AP5Z1: variants seen among roughly 807,000 people sequenced by gnomAD.
AP5Z1 encodes AP-5 complex subunit zeta-1.
AP5Z1 carries 106 observed loss-of-function variants against 83.0 expected under a neutral mutation model. That is an observed-to-expected ratio of 1.28 (90% CI 1.09 to 1.50). AP5Z1 has a LOEUF of 1.50. AP5Z1 is among the 40% of genes most tolerant of loss of function. The pLI is 0.00. For missense variants in AP5Z1, 1,565 were observed against 1,094.2 expected (o/e 1.43, Z -6.07); for synonymous variants, 751 against 514.1 (o/e 1.46, Z -6.23).
At position 4,791,470 on chromosome 7, in the gene AP5Z1, A is replaced by C; in HGVS notation, c.*85A>C. 2 of 1,478,206 alleles carry C rather than the reference A, an allele frequency of 1.4e-6. No individual in the cohort carries two copies. Among genetic ancestry groups the C allele is most frequent in the East Asian group, 2.5e-5 (1 of 40,274 alleles). 91.6% of individuals were successfully genotyped at this position (1,478,206 alleles called of 1,614,324 possible). ...GAGGCCAGGCTGATAGGAGCTCAGG[A>C]GGGCGCGGGAGTCCTGGGAGAGGAG... On this transcript the variant is annotated 3_prime_UTR_variant, in exon 17 of 17. Transcript: ENST00000649063.
intron 3 of AP5Z1, 76 bp downstream of exon 3, chr7:4,781,830 C>G (rs1417975857): frequency 7.0e-7 from 1 of 1,422,594 alleles, no homozygotes; most frequent in African/African-American, 1.4e-5. Context: ...GAAGCAGGGG[C>G]GCCAGAGCCG....
intron 1 of AP5Z1, among the ~76,000 whole-genome samples, chr7:4,778,105 G>A (rs1217056928): frequency 6.6e-6 from 1 of 152,164 alleles, no homozygotes; most frequent in African/African-American, 2.4e-5. Flanking sequence ...CGTACCCATA[G>A]TCACAGCTAC....
chr7:4,794,229 A>C lies in AP5Z1; in HGVS notation c.*2844A>C, dbSNP rs538843097. The C allele has an allele frequency of 6.6e-6, 1 of 152,188 alleles. No homozygotes were observed. Among genetic ancestry groups the C allele is most frequent in the Admixed American group, 6.6e-5 (1 of 15,266 alleles). The allele number at this position is 152,188 out of a possible 1,614,324, so 9.4% of individuals were successfully genotyped here. ...AGGGATTGTAAACGCACCAATCAGC[A>C]CCCTGTCAAAACAGACCACTCGGCT... is the stretch of plus-strand genomic sequence containing the variant. On this transcript the variant is annotated 3_prime_UTR_variant, in exon 17 of 17. Transcript: ENST00000649063.
intron 12 of AP5Z1, chr7:4,788,603 C>T (rs549057039): frequency 2.4e-4 from 120 of 498,442 alleles, no homozygotes; most frequent in Admixed American, 6.2e-4. Flanking sequence ...GGCCTGGGAC[C>T]GGCCACAGGC....
Position 4,784,378 on chromosome 7 carries a change from G to A in AP5Z1, c.790+7G>A, listed in dbSNP as rs759449685. The A allele has an allele frequency of 2.3e-5, 36 of 1,589,384 alleles. No individual in the cohort carries two copies. Among genetic ancestry groups the A allele is most frequent in the Middle Eastern group, 3.4e-4 (2 of 5,874 alleles). ...CCGGGCACCCTGGACACAGGTGTGC[G>A]GGGTGGGGGGATGACGTCAGACAGG... On this transcript the variant is annotated splice_region_variant and intron_variant, in intron 6 of 16. Transcript: ENST00000649063.
chr7:4,786,385 G>A lies in AP5Z1; in HGVS notation c.1268G>A (p.Gly423Glu). 6.2e-7 allele frequency: 1 copy of A among 1,613,864 alleles called. No homozygotes were observed. The change falls in exon 10 of 17, where the codon GGG becomes GAG. Residue 423 changes from glycine (G) to glutamate (E), a missense_variant. Physicochemically the swap from Gly to Glu is moderately conservative, Grantham distance 98. Coordinates refer to ENST00000649063, the MANE Select transcript of AP5Z1 (RefSeq NM_014855.3). ...AGGGACAACCTCCACCTGTTCAGCG[G>A]GCACCTCAGCACCCTCAGATTGAGC... is the stretch of plus-strand genomic sequence containing the variant. ...FCRDNLHLFS[G>E]HLSTLRLSFP...
intron 1 of AP5Z1, among the ~76,000 whole-genome samples, chr7:4,776,355 T>C (rs374864259): frequency 3.2e-4 from 49 of 151,912 alleles, no homozygotes; most frequent in African/African-American, 9.4e-4. Context: ...GGGAAAACAG[T>C]GTAAGCCAGG....
At position 4,785,442 on chromosome 7, in the gene AP5Z1, T is replaced by G. The variant is rs2115112982; in HGVS notation, c.959T>G (p.Leu320Arg). 11 of 1,613,432 alleles carry G rather than the reference T, an allele frequency of 6.8e-6. No homozygotes were observed. Among genetic ancestry groups the G allele is most frequent in the Non-Finnish European group, 9.3e-6 (11 of 1,179,666 alleles). ...RRALRKGDSDLQKACLVEAVL... is the reference protein window; with the variant it reads ...RRALRKGDSDRQKACLVEAVL... ...GCCCTGAGGAAGGGGGACTCCGACC[T>G]GCAGAAAGCTGTAAGTGGCTGGGGA... The change falls in exon 8 of 17, where the codon CTG (leucine) becomes CGG (arginine). Residue 320 changes from leucine to arginine, a missense_variant. By Grantham distance (102) the Leu-to-Arg change is moderately radical (BLOSUM62 -2). Coordinates refer to ENST00000649063, the MANE Select transcript of AP5Z1 (RefSeq NM_014855.3).
chr7:4,787,272 C>A (rs1007409620), intron 10 of AP5Z1, among the ~76,000 whole-genome samples: 1 of 151,864 alleles, frequency 6.6e-6, no homozygotes, highest in African/African-American at 2.4e-5. Flanking sequence ...GCAGGAGGAT[C>A]TTGAGGCCAG....
rs989109449 is a variant in AP5Z1, at chr7:4,775,658, C to T, written c.-58C>T. ...CGGAAGTTGACCGGGGTGCGGAGCT[C>T]CTGGGCTGCAGCTCCTGGAGTTTCC... On this transcript the variant is annotated 5_prime_UTR_variant, in exon 1 of 17. Coordinates refer to ENST00000649063, the MANE Select transcript of AP5Z1 (RefSeq NM_014855.3). 3.7e-6 allele frequency: 6 copies of T among 1,601,142 alleles called. No individual in the cohort carries two copies. Among genetic ancestry groups the T allele is most frequent in the African/African-American group, 2.7e-5 (2 of 74,864 alleles).
chr7:4,792,325 T>A lies in AP5Z1; in HGVS notation c.*940T>A, dbSNP rs1219881668. 2.2e-5 allele frequency: 3 copies of A among 133,912 alleles called. No homozygotes were observed. Among genetic ancestry groups the A allele is most frequent in the African/African-American group, 5.9e-5 (2 of 33,920 alleles). The allele number at this position is 133,912 out of a possible 1,614,324, so 8.3% of individuals were successfully genotyped here. A position where few individuals can be genotyped will look rare whatever the true frequency, so the allele number is the denominator to read the frequency against. ...AACTCTTCCCCCTCCCCACTCTGGC[T>A]CCGCCCCCGGTCTCCTCTTTTGCTC... On this transcript the variant is annotated 3_prime_UTR_variant, in exon 17 of 17. Transcript: ENST00000649063.
chr7:4,779,378 C>CAT (rs145590555), intron 1 of AP5Z1, among the ~76,000 whole-genome samples: 10,378 of 146,374 alleles, frequency 0.071, 516 homozygotes, highest in African/African-American at 0.13. Context: ...TGTTATATGT[C>CAT]ATATAACATG....
chr7:4,781,867 T>G, intron 3 of AP5Z1, 113 bp downstream of exon 3: 2 of 1,253,712 alleles, frequency 1.6e-6, no homozygotes, highest in Non-Finnish European at 2.1e-6. Flanking sequence ...TGTAGACGCA[T>G]CTCGGTGCTG....
rs575938785 is a variant in AP5Z1, at chr7:4,785,833, G to A, written c.1132+149G>A. The A allele has an allele frequency of 4.2e-5, 49 of 1,162,552 alleles. No individual in the cohort carries two copies. The East Asian group carries it at 4.5e-4, about 11-fold the overall frequency. The allele number at this position is 1,162,552 out of a possible 1,614,324, so 72.0% of individuals were successfully genotyped here. A position where few individuals can be genotyped will look rare whatever the true frequency, so the allele number is the denominator to read the frequency against. On this transcript the variant is annotated intron_variant, in intron 9 of 16. Coordinates refer to ENST00000649063, the MANE Select transcript of AP5Z1 (RefSeq NM_014855.3). ...TGTTGCCCAGGCTGGTCTGGAACTC[G>A]TGGCCTCAAGCGATCCTCCTGCCTT...
rs1157002002 is a variant in AP5Z1, at chr7:4,783,441, C to G, written c.492C>G (p.Ser164Arg). ...TCATGGCCAAGGTCGTGGTCCTCAG[C>G]CCGGGCACCCTCCAGGAGGGTACGC... ...LPVMAKVVVL[S>R]PGTLQEDQAT... Residue 164 changes from serine to arginine, a missense_variant, in exon 4 of 17, where the codon AGC becomes AGG. Ser to Arg is a moderately radical substitution (Grantham distance 110). Coordinates refer to ENST00000649063, the MANE Select transcript of AP5Z1 (RefSeq NM_014855.3). The G allele has an allele frequency of 6.2e-7, 1 of 1,612,724 alleles. No individual in the cohort carries two copies. The highest frequency in any genetic ancestry group is 8.5e-7 in the Non-Finnish European group (1 of 1,179,696).
intron 3 of AP5Z1, among the ~76,000 whole-genome samples, chr7:4,782,710 T>G (rs1489884769): frequency 6.6e-6 from 1 of 152,068 alleles, no homozygotes; most frequent in Non-Finnish European, 1.5e-5. Context: ...AATGCTGTGG[T>G]AGCTCCTGGC....
At position 4,785,443 on chromosome 7, in the gene AP5Z1, G is replaced by C. The variant is rs1175021630; in HGVS notation, c.960G>C (p.Leu320=). 4.5e-5 allele frequency: 72 copies of C among 1,613,340 alleles called. No individual in the cohort carries two copies. The highest frequency in any genetic ancestry group is 5.8e-5 in the Non-Finnish European group (68 of 1,179,710). ...CCCTGAGGAAGGGGGACTCCGACCT[G>C]CAGAAAGCTGTAAGTGGCTGGGGAC... is the stretch of plus-strand genomic sequence containing the variant. ...RRALRKGDSD[L]QKACLVEAVL... Residue 320 remains leucine (L), a synonymous_variant, in exon 8 of 17, where the codon CTG becomes CTC. Transcript: ENST00000649063.
chr7:4,791,645 A>AGGCCCTGTGGCTGGGTCG lies in AP5Z1; in HGVS notation c.*263_*280dup. The AGGCCCTGTGGCTGGGTCG allele has an allele frequency of 1.9e-6, 1 of 539,434 alleles. No homozygotes were observed. The highest frequency in any genetic ancestry group is 3.0e-5 in the East Asian group (1 of 33,378). 33.4% of individuals were successfully genotyped at this position (539,434 alleles called of 1,614,324 possible). A position where few individuals can be genotyped will look rare whatever the true frequency, so the allele number is the denominator to read the frequency against. On this transcript the variant is annotated 3_prime_UTR_variant, in exon 17 of 17. Transcript: ENST00000649063. ...TGGAGCGGCTCTGATTGGAGGCTTG[A>AGGCCCTGTGGCTGGGTCG]GGCCCTGTGGCTGGGTCGGGTGGAG...
At position 4,789,711 on chromosome 7, in the gene AP5Z1, G is replaced by T. The variant is rs1781685780; in HGVS notation, c.1708-121G>T. The T allele has an allele frequency of 4.6e-6, 3 of 659,174 alleles. No individual in the cohort carries two copies. The South Asian group carries it at 6.2e-5, about 14-fold the overall frequency. 40.8% of individuals were successfully genotyped at this position (659,174 alleles called of 1,614,324 possible). ...TCTGTGTCCCTGGGTGTTGGGGAAG[G>T]CAGTGGACGAGGAGTCTCCAGCCCC... On this transcript the variant is annotated intron_variant, in intron 13 of 16. Transcript: ENST00000649063.
Sources: gnomAD v4.1 joint callset for allele counts (sites outside exome capture counted in the v4.1 genomes callset) on GRCh38, gnomAD v4.1.1 for gene constraint, MANE v1.5 for transcripts, NCBI Gene and HGNC (gene_info 2026-07-23, HGNC 2026-07-21) for gene names.